The following KLHL8 variants were observed in gnomAD, a reference collection of about 807,000 sequenced individuals.
The protein encoded by KLHL8 is kelch like family member 8, also known as kelch-like protein 8.
KLHL8 carries 38 observed loss-of-function variants against 63.5 expected under a neutral mutation model. The ratio of observed to expected loss-of-function variants is 0.60; its 90% confidence interval spans 0.46 to 0.78. The LOEUF (loss-of-function observed/expected upper bound fraction) is 0.78, where lower values mean the gene tolerates loss of function less well. KLHL8 is among the 30% of genes least tolerant of loss of function. The pLI is 0.00. For missense variants in KLHL8, 566 were observed against 752.4 expected, an observed-to-expected ratio of 0.75 and a Z score of 2.90; for synonymous variants, 224 against 254.3, an observed-to-expected ratio of 0.88 and a Z score of 1.13.
In KLHL8 at chr4:87,163,208, TAG is replaced by T. The variant is rs61336065; in HGVS notation, c.*309_*310del. 1,911 of 199,206 alleles carry T rather than the reference TAG, an allele frequency of 9.6e-3. No homozygotes were observed. The highest frequency in any genetic ancestry group is 0.021 in the Middle Eastern group (10 of 482). 12.3% of individuals were successfully genotyped at this position (199,206 alleles called of 1,614,324 possible). A position where few individuals can be genotyped will look rare whatever the true frequency, so the allele number is the denominator to read the frequency against. ...CAAATTACATTTTGATTCATCCAAATAGAGAGAGAGAGAGAGATTTCAAGATT... is the reference window on the plus strand; with the variant it reads ...CAAATTACATTTTGATTCATCCAAATAGAGAGAGAGAGAGATTTCAAGATT... On this transcript the variant is annotated 3_prime_UTR_variant, in exon 10 of 10. Coordinates refer to ENST00000273963, the MANE Select transcript of KLHL8 (RefSeq NM_020803.5).
chr4:87,226,992 T>A (rs1308247179), intron 1 of KLHL8, among the ~76,000 whole-genome samples: 8 of 92,806 alleles, frequency 8.6e-5, no homozygotes, highest in Non-Finnish European at 1.7e-4. Flanking sequence ...ATATAATATA[T>A]AAATAATATA....
chr4:87,234,641 CTA>C (rs1733195966), intron 1 of KLHL8, among the ~76,000 whole-genome samples: 1 of 152,174 alleles, frequency 6.6e-6, no homozygotes, highest in Non-Finnish European at 1.5e-5. Context: ...TAAGAAATGA[CTA>C]TGTTACTGGT....
At chr4:87,213,469 A>T (rs1732483376) in intron 1 of KLHL8, among the ~76,000 whole-genome samples, 1 of 152,242 alleles carries the variant, frequency 6.6e-6, no homozygotes, top group Non-Finnish European at 1.5e-5. Context: ...TAGCTATGCC[A>T]TCCAGGCACG....
upstream of KLHL8, among the ~76,000 whole-genome samples, chr4:87,223,273 C>T (rs1402552927): frequency 6.6e-6 from 1 of 152,016 alleles, no homozygotes; most frequent in Non-Finnish European, 1.5e-5. Flanking sequence ...CATTCCTGGC[C>T]ACTTTTCTTG....
intron 1 of KLHL8, among the ~76,000 whole-genome samples, chr4:87,238,206 T>G (rs1733268134): frequency 6.6e-6 from 1 of 152,204 alleles, no homozygotes; most frequent in Non-Finnish European, 1.5e-5. Context: ...AGTCCTGGGA[T>G]TACAGGCGTG....
At chr4:87,196,863 A>G (rs1731718071) in intron 1 of KLHL8, among the ~76,000 whole-genome samples, 1 of 152,202 alleles carries the variant, frequency 6.6e-6, no homozygotes, top group Admixed American at 6.5e-5. Flanking sequence ...AAACAGGGAT[A>G]CCTATCTACC....
intron 6 of KLHL8, among the ~76,000 whole-genome samples, chr4:87,171,935 GCTGGCTCTTCAAC>G (rs150680563): frequency 6.6e-6 from 1 of 152,136 alleles, no homozygotes; most frequent in East Asian, 1.9e-4. Context: ...AATATGTCTT[GCTGGCTCTTCAAC>G]CTTAACTTTA....
chr4:87,178,188 T>C (rs1279370300), intron 5 of KLHL8, among the ~76,000 whole-genome samples: 1 of 152,170 alleles, frequency 6.6e-6, no homozygotes, highest in African/African-American at 2.4e-5. Flanking sequence ...AAAGCTGATA[T>C]GTAATTATAA....
At chr4:87,211,194 G>C (rs1732392026) in intron 1 of KLHL8, among the ~76,000 whole-genome samples, 1 of 152,122 alleles carries the variant, frequency 6.6e-6, no homozygotes, top group African/African-American at 2.4e-5. Flanking sequence ...CCAAATTAAT[G>C]TATGCTTAAA....
At chr4:87,226,581 C>A (rs150033453) in intron 1 of KLHL8, among the ~76,000 whole-genome samples, 1,562 of 84,638 alleles carry the variant, frequency 0.018, 64 homozygotes, top group African/African-American at 0.073. Context: ...CTCTCTCTCT[C>A]TCTATATATA....
At chr4:87,165,214 T>TAC (rs1380360167) in intron 8 of KLHL8, among the ~76,000 whole-genome samples, 1 of 151,358 alleles carries the variant, frequency 6.6e-6, no homozygotes, top group African/African-American at 2.4e-5. Flanking sequence ...CTAATGGGTT[T>TAC]AATTTTATTA....
At chr4:87,228,597 A>C (rs1403519039) in intron 1 of KLHL8, among the ~76,000 whole-genome samples, 2 of 152,242 alleles carry the variant, frequency 1.3e-5, no homozygotes, top group African/African-American at 4.8e-5. Context: ...TGGCCTGCCC[A>C]GCCTTTCAGG....
intron 1 of KLHL8, among the ~76,000 whole-genome samples, chr4:87,225,818 G>T (rs905028304): frequency 6.6e-6 from 1 of 152,138 alleles, no homozygotes; most frequent in Non-Finnish European, 1.5e-5. Context: ...AAAATTACTA[G>T]TGCTGGTGAC....
chr4:87,194,833 A>AG (rs1731631090), intron 2 of KLHL8, among the ~76,000 whole-genome samples: 1 of 152,052 alleles, frequency 6.6e-6, no homozygotes, highest in Non-Finnish European at 1.5e-5. Flanking sequence ...AGGTGTAGAT[A>AG]AACAATCCCA....
chr4:87,198,930 C>G (rs1731806515), intron 1 of KLHL8, among the ~76,000 whole-genome samples: 1 of 152,142 alleles, frequency 6.6e-6, no homozygotes, highest in Non-Finnish European at 1.5e-5. Context: ...AAAAGTTATG[C>G]AAGTTGTTAT....
intron 1 of KLHL8, among the ~76,000 whole-genome samples, chr4:87,231,554 A>G (rs554416066): frequency 6.6e-6 from 1 of 152,234 alleles, no homozygotes; most frequent in South Asian, 2.1e-4. Flanking sequence ...GCAGGCATGT[A>G]CAAGGACATG....
chr4:87,206,499 C>G (rs763395142), intron 1 of KLHL8, among the ~76,000 whole-genome samples: 11 of 152,106 alleles, frequency 7.2e-5, no homozygotes, highest in Non-Finnish European at 1.5e-4. Context: ...TGTGCACCAC[C>G]TATTTTGCCA....
chr4:87,192,010 CACT>C (rs1351898353), intron 2 of KLHL8, among the ~76,000 whole-genome samples: 1 of 152,122 alleles, frequency 6.6e-6, no homozygotes, highest in Non-Finnish European at 1.5e-5. Context: ...TCCAATCCAC[CACT>C]GATGGGCACC....
At chr4:87,210,673 C>T (rs1399790637) in intron 1 of KLHL8, among the ~76,000 whole-genome samples, 4 of 152,080 alleles carry the variant, frequency 2.6e-5, no homozygotes, top group African/African-American at 9.7e-5. Context: ...TGGCAAACCC[C>T]ACCCCATGTT....
Sources: allele counts gnomAD v4.1 joint callset (sites outside exome capture counted in the v4.1 genomes callset), GRCh38; gene constraint gnomAD v4.1.1; transcripts MANE v1.5; gene names NCBI Gene and HGNC (gene_info 2026-07-23, HGNC 2026-07-21).